ADAMTS12: variants seen among roughly 807,000 people sequenced by gnomAD.
ADAMTS12 encodes A disintegrin and metalloproteinase with thrombospondin motifs 12.
In ADAMTS12, 118 loss-of-function variants were observed where a neutral mutation model predicts 167.8. That is an observed-to-expected ratio of 0.70 (90% CI 0.61 to 0.82). The LOEUF (loss-of-function observed/expected upper bound fraction) is 0.82. Among genes scored for constraint, ADAMTS12 ranks in the 40% least tolerant of loss-of-function variants. The pLI is 0.00. For missense variants in ADAMTS12, 1,916 were observed against 1,998.8 expected (o/e 0.96, Z 0.79); for synonymous variants, 704 against 716.9 (o/e 0.98, Z 0.29).
At chr5:33,611,414 G>A (rs747178252) in intron 16 of ADAMTS12, among the ~76,000 whole-genome samples, 33 of 151,348 alleles carry the variant, frequency 2.2e-4, no homozygotes, top group Admixed American at 1.8e-3. Flanking sequence ...TTAGTACAAA[G>A]GAATTTGTTA....
chr5:33,658,520 G>A (rs188556319), intron 6 of ADAMTS12, among the ~76,000 whole-genome samples, 187 bp from the exon 7 acceptor site: 2 of 152,260 alleles, frequency 1.3e-5, no homozygotes, highest in East Asian at 3.9e-4. Flanking sequence ...TTTACCTTTT[G>A]ATTACTGAAT....
chr5:33,840,266 T>C (rs1220229555), intron 2 of ADAMTS12: 1 of 152,246 alleles, frequency 6.6e-6, no homozygotes, highest in Non-Finnish European at 1.5e-5. Context: ...CAGGTAAAGA[T>C]ATACAATGCT....
intron 2 of ADAMTS12, among the ~76,000 whole-genome samples, chr5:33,757,572 C>G (rs111254873): frequency 6.6e-6 from 1 of 152,166 alleles, no homozygotes; most frequent in Non-Finnish European, 1.5e-5. Flanking sequence ...TAATACAACC[C>G]TAATATACAC....
chr5:33,594,216 C>T (rs1747796041), intron 17 of ADAMTS12, among the ~76,000 whole-genome samples: 1 of 152,154 alleles, frequency 6.6e-6, no homozygotes, highest in Non-Finnish European at 1.5e-5. Context: ...TAGGGCAAAA[C>T]CCTTTCACTT....
At chr5:33,715,912 A>T (rs1226082746) in intron 3 of ADAMTS12, among the ~76,000 whole-genome samples, 3 of 152,096 alleles carry the variant, frequency 2.0e-5, no homozygotes, top group Admixed American at 6.6e-5. Flanking sequence ...TAGGCTGGGG[A>T]CTATAACTTT....
chr5:33,671,753 AACAC>A (rs1406479980), intron 5 of ADAMTS12, among the ~76,000 whole-genome samples: 1 of 147,596 alleles, frequency 6.8e-6, no homozygotes, highest in African/African-American at 2.5e-5. Flanking sequence ...CATACTCACA[AACAC>A]ACACACATCC....
intron 3 of ADAMTS12, among the ~76,000 whole-genome samples, chr5:33,750,116 A>C (rs1744926003): frequency 6.6e-6 from 1 of 152,240 alleles, no homozygotes; most frequent in Non-Finnish European, 1.5e-5. Context: ...AACTCTAGAT[A>C]TTCACATTAA....
intron 2 of ADAMTS12, among the ~76,000 whole-genome samples, chr5:33,807,134 T>C (rs991725792): frequency 7.9e-5 from 12 of 152,228 alleles, no homozygotes; most frequent in Non-Finnish European, 7.3e-5. Flanking sequence ...GTTTCAGCAA[T>C]ATTAGACTTT....
chr5:33,809,592 T>G (rs934052620), intron 2 of ADAMTS12, among the ~76,000 whole-genome samples: 8 of 152,324 alleles, frequency 5.3e-5, no homozygotes, highest in African/African-American at 1.9e-4. Context: ...TCATCACTTC[T>G]GAAAATTATC....
chr5:33,846,122 C>T (rs1339114849), intron 2 of ADAMTS12, among the ~76,000 whole-genome samples: 4 of 152,132 alleles, frequency 2.6e-5, no homozygotes, highest in East Asian at 1.9e-4. Flanking sequence ...CATAAGCCAA[C>T]GTCAGACAAA....
intron 2 of ADAMTS12, among the ~76,000 whole-genome samples, chr5:33,789,740 T>C (rs1579937524): frequency 6.6e-6 from 1 of 152,192 alleles, no homozygotes; most frequent in Admixed American, 6.5e-5. Context: ...TGAAATTACT[T>C]AGTGTCCCTG....
intron 2 of ADAMTS12, among the ~76,000 whole-genome samples, chr5:33,758,442 G>T (rs1349888565): frequency 1.3e-5 from 2 of 152,202 alleles, no homozygotes; most frequent in Non-Finnish European, 2.9e-5. Flanking sequence ...TCCTTCAGCA[G>T]AAGTATGAAG....
chr5:33,622,664 A>G (rs1739392080), intron 14 of ADAMTS12, among the ~76,000 whole-genome samples: 1 of 152,206 alleles, frequency 6.6e-6, no homozygotes, highest in Non-Finnish European at 1.5e-5. Context: ...AAAAACAAAA[A>G]CAGAAACAAA....
chr5:33,563,015 A>G (rs918439901), intron 19 of ADAMTS12, among the ~76,000 whole-genome samples: 4 of 152,312 alleles, frequency 2.6e-5, no homozygotes, highest in East Asian at 3.9e-4. Context: ...GTTCTTAGGT[A>G]GATAATCTGT....
At chr5:33,529,534 G>A (rs1177237753) in intron 23 of ADAMTS12, among the ~76,000 whole-genome samples, 1 of 152,070 alleles carries the variant, frequency 6.6e-6, no homozygotes, top group African/African-American at 2.4e-5. Flanking sequence ...GCTGTCCTTT[G>A]TAAAGGGAAC....
At chr5:33,863,009 CACTCAATAA>C (rs1749679892) in intron 2 of ADAMTS12, among the ~76,000 whole-genome samples, 1 of 152,174 alleles carries the variant, frequency 6.6e-6, no homozygotes, top group African/African-American at 2.4e-5. Context: ...ATGCTAAAAA[CACTCAATAA>C]ACTAGATGTC....
intron 5 of ADAMTS12, among the ~76,000 whole-genome samples, chr5:33,668,351 C>A (rs1741545914): frequency 6.6e-6 from 1 of 152,108 alleles, no homozygotes; most frequent in Non-Finnish European, 1.5e-5. Context: ...ATATAATTTT[C>A]TCAAGTCAAA....
intron 20 of ADAMTS12, among the ~76,000 whole-genome samples, chr5:33,553,263 G>A (rs2111850341): frequency 6.6e-6 from 1 of 152,320 alleles, no homozygotes; most frequent in African/African-American, 2.4e-5. Flanking sequence ...ATATACTGCT[G>A]GTGGGAGAGT....
At chr5:33,811,756 C>T (rs1747469584) in intron 2 of ADAMTS12, among the ~76,000 whole-genome samples, 1 of 152,128 alleles carries the variant, frequency 6.6e-6, no homozygotes, top group African/African-American at 2.4e-5. Flanking sequence ...CCAAGAATAG[C>T]CTGTAGGGAA....
Sources: allele counts gnomAD v4.1 joint callset (sites outside exome capture counted in the v4.1 genomes callset), GRCh38; gene constraint gnomAD v4.1.1; transcripts MANE v1.5; gene names NCBI Gene and HGNC (gene_info 2026-07-23, HGNC 2026-07-21).